The following SNED1 variants were observed in gnomAD, a reference collection of about 807,000 sequenced individuals.
SNED1 encodes sushi, nidogen and EGF-like domain-containing protein 1.
In SNED1, 81 loss-of-function variants were observed where a neutral mutation model predicts 166.7. That is an observed-to-expected ratio of 0.49 (90% CI 0.41 to 0.58). SNED1 has a LOEUF of 0.58. SNED1 is among the 20% of genes least tolerant of loss of function. The pLI, the probability that SNED1 is intolerant of heterozygous loss-of-function variation, is 0.00. For missense variants in SNED1, 1,604 were observed against 2,000.2 expected, an observed-to-expected ratio of 0.80 and a Z score of 3.78; for synonymous variants, 762 against 822.0, an observed-to-expected ratio of 0.93 and a Z score of 1.25.
rs560715249 is a variant in SNED1 at position 241,090,151 on chromosome 2, G to A, written c.*2-1487G>A. 227 of 1,463,836 alleles carry A rather than the reference G, an allele frequency of 1.6e-4. No homozygotes were observed. The African/African-American group carries it at 3.1e-3, about 20-fold the overall frequency. 90.7% of individuals were successfully genotyped at this position (1,463,836 alleles called of 1,614,324 possible). A position where few individuals can be genotyped will look rare whatever the true frequency, so the allele number is the denominator to read the frequency against. ...TAACAGCTTAAAATACAAACACACT[G>A]TACGGATGTTCAAAATTGTTTTCTG... On this transcript the variant is annotated intron_variant, in intron 31 of 31. Transcript: ENST00000310397.
Position 241,064,927 on chromosome 2 carries a change from G to A in SNED1, c.2683G>A (p.Val895Met). The change falls in exon 20 of 32, where the codon GTG becomes ATG. Residue 895 changes from valine to methionine, a missense_variant. Coordinates refer to ENST00000310397, the MANE Select transcript of SNED1 (RefSeq NM_001080437.3). This position sits in a 1 kb window ranked among gnomAD's most constrained non-coding sequence, Gnocchi z 7.0. ...CGGCTCCCACAGCTGCACCTGCAAA[G>A]TGGGCTACACGGGCGAGGACTGCGC... is the stretch of plus-strand genomic sequence containing the variant. The part of the protein sequence containing the change: ...SNGSHSCTCK[V>M]GYTGEDCAKE... 1.3e-6 allele frequency: 2 copies of A among 1,587,166 alleles called. No individual in the cohort carries two copies. The highest frequency in any genetic ancestry group is 8.5e-7 in the Non-Finnish European group (1 of 1,171,518).
chr2:241,089,447 A>G, intron 31 of SNED1: 1 of 1,546,032 alleles, frequency 6.5e-7, no homozygotes, highest in Non-Finnish European at 8.7e-7. Flanking sequence ...ATAGGCTCAC[A>G]CACACCAAAG....
intron 1 of SNED1, among the ~76,000 whole-genome samples, chr2:241,002,178 A>G (rs1442968925): frequency 1.3e-5 from 2 of 151,740 alleles, no homozygotes; most frequent in Non-Finnish European, 2.9e-5. Flanking sequence ...ATCAGGTCAT[A>G]CCTGTGACAC....
intron 14 of SNED1, 43 bp from the exon 15 acceptor site, chr2:241,052,312 T>TCAGGG: frequency 6.5e-7 from 1 of 1,527,460 alleles, no homozygotes; most frequent in Non-Finnish European, 8.9e-7. Flanking sequence ...TCCCGAGCCT[T>TCAGGG]CAGGGAAGAC....
chr2:241,021,114 C>T (rs1357734124), intron 1 of SNED1, among the ~76,000 whole-genome samples: 1 of 152,174 alleles, frequency 6.6e-6, no homozygotes, highest in Non-Finnish European at 1.5e-5. Context: ...ATTGGGGGCT[C>T]AGCACAGCTG....
At chr2:241,029,541 TG>T (rs2061094364) in intron 1 of SNED1, among the ~76,000 whole-genome samples, 1 of 152,186 alleles carries the variant, frequency 6.6e-6, no homozygotes, top group African/African-American at 2.4e-5. Context: ...CATAGGAATT[TG>T]GGGGGACACA....
chr2:241,034,564 C>T lies in SNED1; in HGVS notation c.643-4C>T, dbSNP rs1156932129. 4.4e-6 allele frequency: 7 copies of T among 1,585,576 alleles called. No individual in the cohort carries two copies. Among genetic ancestry groups the T allele is most frequent in the African/African-American group, 4.0e-5 (3 of 74,466 alleles). On this transcript the variant is annotated splice_polypyrimidine_tract_variant and splice_region_variant and intron_variant, in intron 3 of 31. Coordinates refer to ENST00000310397, the MANE Select transcript of SNED1 (RefSeq NM_001080437.3). ...CCCTCACTCTGCCCCCACCCCACCC[C>T]CAGGCTGGCTTCAACGCAGGCGATG... is the stretch of plus-strand genomic sequence containing the variant.
intron 17 of SNED1, 57 bp from the exon 18 acceptor site, chr2:241,063,530 C>T (rs573816115): frequency 1.8e-6 from 2 of 1,109,188 alleles, no homozygotes; most frequent in East Asian, 2.5e-5. Flanking sequence ...ATCCTGGGGG[C>T]ATGTGGGCGC....
chr2:241,012,249 AG>A (rs988975447), intron 1 of SNED1, among the ~76,000 whole-genome samples: 6 of 152,202 alleles, frequency 3.9e-5, no homozygotes, highest in Admixed American at 3.9e-4. Context: ...CCCAACCCAG[AG>A]GTACCACTTG....
At chr2:241,036,725 G>A (rs1254082991) in intron 4 of SNED1, 65 bp from the exon 5 acceptor site, 4 of 1,589,868 alleles carry the variant, frequency 2.5e-6, no homozygotes, top group Non-Finnish European at 3.4e-6. Context: ...GATGCGGATG[G>A]GAGTGGCTCT....
rs1559274967 is a variant in SNED1, at chr2:241,056,579, A to ATTTTTTT, written c.2257+3253_2257+3254insTTTTTTT. On this transcript the variant is annotated intron_variant, in intron 16 of 31. Transcript: ENST00000310397. ...TGAATTAGGAATTCTGAATAAGTGA[A>ATTTTTTT]ATTTTTTTTTTTTTTTTTTGAGACG... Among the ~76,000 whole-genome samples, 84 of 87,684 alleles carry ATTTTTTT rather than the reference A, an allele frequency of 9.6e-4. 1 individual carries two copies. The highest frequency in any genetic ancestry group is 5.2e-3 in the African/African-American group (82 of 15,810). The allele number at this position is 87,684 out of a possible 152,430, so 57.5% of individuals were successfully genotyped here. A position where few individuals can be genotyped will look rare whatever the true frequency, so the allele number is the denominator to read the frequency against.
At chr2:241,050,104 GT>G (rs2125094630) in intron 12 of SNED1, 171 bp downstream of exon 12, 1 of 680,042 alleles carries the variant, frequency 1.5e-6, no homozygotes, top group East Asian at 2.7e-5. Context: ...GCACCTCACT[GT>G]TTGGATGGTT....
Position 241,048,428 on chromosome 2 carries a change from G to C in SNED1, c.1387G>C (p.Asp463His). 13 of 1,606,636 alleles carry C rather than the reference G, an allele frequency of 8.1e-6. No homozygotes were observed. Among genetic ancestry groups the C allele is most frequent in the Non-Finnish European group, 1.1e-5 (13 of 1,176,818 alleles). ...CECPEGFMGL[D>H]CRERVPDDCE... ...GTGCCCCGAAGGCTTCATGGGCCTG[G>C]ACTGCAGGGAGAGTGCGTCTGGGCT... Residue 463 changes from aspartate to histidine, a missense_variant, in exon 9 of 32, where the codon GAC becomes CAC. By Grantham distance (81) the Asp-to-His change is moderately conservative (BLOSUM62 -1). Transcript: ENST00000310397.
chr2:241,001,723 G>A (rs1418079115), intron 1 of SNED1, among the ~76,000 whole-genome samples: 1 of 152,096 alleles, frequency 6.6e-6, no homozygotes, highest in African/African-American at 2.4e-5. Context: ...AATCTTCCTG[G>A]TGCCCCCTAC....
Position 241,069,452 on chromosome 2 carries a change from G to A in SNED1, c.3307+429G>A, listed in dbSNP as rs536325056. The stretch of plus-strand genomic sequence containing the variant: ...AGGGGTGACAGCATGGACAGTCAGC[G>A]CGCAGGGGAGGGACAGGTGAACTGG... On this transcript the variant is annotated intron_variant, in intron 23 of 31. Coordinates refer to ENST00000310397, the MANE Select transcript of SNED1 (RefSeq NM_001080437.3). The surrounding 1 kb of genome is among the most constrained non-coding windows in gnomAD (Gnocchi z 4.9). Among the ~76,000 whole-genome samples, 8 of 152,268 alleles carry A rather than the reference G, an allele frequency of 5.3e-5. No individual in the cohort carries two copies. The East Asian group carries it at 5.8e-4, about 11-fold the overall frequency.
intron 1 of SNED1, among the ~76,000 whole-genome samples, chr2:241,011,493 A>G (rs1278181734): frequency 5.3e-5 from 8 of 152,188 alleles, no homozygotes; most frequent in South Asian, 2.1e-4. Flanking sequence ...ACGAGGGACT[A>G]AACCCGCACT....
At chr2:241,045,510 A>G (rs2061622168) in intron 8 of SNED1, among the ~76,000 whole-genome samples, 1 of 152,154 alleles carries the variant, frequency 6.6e-6, no homozygotes, top group Admixed American at 6.5e-5. Flanking sequence ...AAATATAGCC[A>G]ATTAATTTTT....
At chr2:241,000,134 T>G (rs1259145624) in intron 1 of SNED1, among the ~76,000 whole-genome samples, 1 of 151,688 alleles carries the variant, frequency 6.6e-6, no homozygotes, top group African/African-American at 2.4e-5. Context: ...ACCACCACCT[T>G]CCCCATGGTC....
upstream of SNED1, among the ~76,000 whole-genome samples, chr2:240,998,093 C>G (rs2059967576): frequency 6.6e-6 from 1 of 152,276 alleles, no homozygotes; most frequent in Admixed American, 6.5e-5. Flanking sequence ...AGGAATTTCT[C>G]CTGATGCGGC....
Sources: allele counts gnomAD v4.1 joint callset (sites outside exome capture counted in the v4.1 genomes callset), GRCh38; gene constraint gnomAD v4.1.1; non-coding constraint Gnocchi (gnomAD v3.1); transcripts MANE v1.5; gene names NCBI Gene and HGNC (gene_info 2026-07-23, HGNC 2026-07-21).